LRSAM1: variants seen among roughly 807,000 people sequenced by gnomAD.
LRSAM1 encodes the protein E3 ubiquitin-protein ligase LRSAM1.
In LRSAM1, 96 loss-of-function variants were observed where a neutral mutation model predicts 118.1. That is an observed-to-expected ratio of 0.81 (90% CI 0.69 to 0.96). LRSAM1 has a LOEUF of 0.96. Ranked by LOEUF, LRSAM1 falls within the 40% of genes least tolerant of loss-of-function variation. The pLI is 0.00. For missense variants in LRSAM1, 804 were observed against 915.5 expected, an observed-to-expected ratio of 0.88 and a Z score of 1.57; for synonymous variants, 322 against 364.2, an observed-to-expected ratio of 0.88 and a Z score of 1.32.
chr9:127,469,620 GA>G (rs11462415), intron 10 of LRSAM1, among the ~76,000 whole-genome samples: 8 of 147,476 alleles, frequency 5.4e-5, no homozygotes, highest in Admixed American at 6.7e-5. Context: ...CTTTTCAATG[GA>G]AAAAAAAAAA....
At chr9:127,496,790 A>G (rs949107919) in intron 23 of LRSAM1, among the ~76,000 whole-genome samples, 1 of 152,140 alleles carries the variant, frequency 6.6e-6, no homozygotes, top group Admixed American at 6.5e-5. Flanking sequence ...CCAGGGTCCA[A>G]GAGGACTGGA....
chr9:127,497,344 C>T lies in LRSAM1; in HGVS notation c.1912+10C>T, dbSNP rs1473393318. 1.2e-6 allele frequency: 2 copies of T among 1,609,844 alleles called. No individual in the cohort carries two copies. The highest frequency in any genetic ancestry group is 2.2e-5 in the East Asian group (1 of 44,892). ...GCCAGGATCCAGCCAGGTACAAGCACAGCTCCAGCCTCTTCCAGGCAGGGC... is the reference window on the plus strand; with the variant it reads ...GCCAGGATCCAGCCAGGTACAAGCATAGCTCCAGCCTCTTCCAGGCAGGGC... On this transcript the variant is annotated intron_variant, in intron 24 of 25. Coordinates refer to ENST00000300417, the MANE Select transcript of LRSAM1 (RefSeq NM_001005373.4).
Position 127,497,318 on chromosome 9 carries a change from A to C in LRSAM1, c.1896A>C (p.Ala632=), listed in dbSNP as rs1199416966. Residue 632 remains alanine, a synonymous_variant, in exon 24 of 26, where the codon GCA becomes GCC. Coordinates refer to ENST00000300417, the MANE Select transcript of LRSAM1 (RefSeq NM_001005373.4). ...ILRRVQELLD[A]ARIQPELKPP... Reference sequence around the variant, plus strand: ...GGAGAGTCCAGGAACTGCTGGATGCAGCCAGGATCCAGCCAGGTACAAGCA... The same window carrying C: ...GGAGAGTCCAGGAACTGCTGGATGCCGCCAGGATCCAGCCAGGTACAAGCA... 1.9e-6 allele frequency: 3 copies of C among 1,612,348 alleles called. No homozygotes were observed. Among genetic ancestry groups the C allele is most frequent in the Non-Finnish European group, 1.7e-6 (2 of 1,179,874 alleles).
chr9:127,455,198 G>A (rs1042698351), intron 4 of LRSAM1, 144 bp downstream of exon 4: 6 of 906,680 alleles, frequency 6.6e-6, no homozygotes, highest in South Asian at 4.0e-5. Flanking sequence ...TTTTGTTCTC[G>A]TCCAAAATAA....
intron 14 of LRSAM1, 71 bp downstream of exon 14, chr9:127,480,049 T>C: frequency 1.9e-6 from 3 of 1,602,308 alleles, no homozygotes; most frequent in Non-Finnish European, 2.6e-6. Context: ...CCGGGAGGAG[T>C]GTGTTTCTCC....
chr9:127,473,215 T>C (rs1588114099), intron 10 of LRSAM1, among the ~76,000 whole-genome samples: 1 of 152,322 alleles, frequency 6.6e-6, no homozygotes, highest in Non-Finnish European at 1.5e-5. Flanking sequence ...TTTGAGTACA[T>C]CAAAACTTAC....
Position 127,463,021 on chromosome 9 carries a change from C to A in LRSAM1, c.528+648C>A, listed in dbSNP as rs1834806489. On this transcript the variant is annotated intron_variant, in intron 9 of 25. Coordinates refer to ENST00000300417, the MANE Select transcript of LRSAM1 (RefSeq NM_001005373.4). The stretch of plus-strand genomic sequence containing the variant: ...GACCAGCCTGGCCAACATGGTGAAA[C>A]CCTGTCTCTACTAAAAATACAAGAA... Among the ~76,000 whole-genome samples the A allele has an allele frequency of 1.3e-5, 2 of 151,894 alleles. 1 individual carries two copies. The highest frequency in any genetic ancestry group is 4.2e-4 in the South Asian group (2 of 4,800).
At position 127,495,385 on chromosome 9, in the gene LRSAM1, T is replaced by G; in HGVS notation, c.1665T>G (p.Leu555=). 3 of 1,614,026 alleles carry G rather than the reference T, an allele frequency of 1.9e-6. No homozygotes were observed. Among genetic ancestry groups the G allele is most frequent in the Non-Finnish European group, 1.7e-6 (2 of 1,180,032 alleles). ...ACTGGCTGATTCAGTATCAACGGCTTTTGAACCAGAAGCCCTTGTCCTTGA... is the reference window on the plus strand; with the variant it reads ...ACTGGCTGATTCAGTATCAACGGCTGTTGAACCAGAAGCCCTTGTCCTTGA... ...ENYWLIQYQR[L]LNQKPLSLKL... The change falls in exon 22 of 26, where the codon CTT becomes CTG. Residue 555 remains leucine (L), a synonymous_variant. Coordinates refer to ENST00000300417, the MANE Select transcript of LRSAM1 (RefSeq NM_001005373.4).
At chr9:127,467,600 A>G in intron 9 of LRSAM1, 140 bp from the exon 10 acceptor site, 1 of 826,484 alleles carries the variant, frequency 1.2e-6, no homozygotes, top group Non-Finnish European at 2.0e-6. Context: ...TGTAAGTAAC[A>G]AGACAGTTCA....
chr9:127,454,243 C>T (rs1399016401), intron 2 of LRSAM1, among the ~76,000 whole-genome samples: 4 of 151,922 alleles, frequency 2.6e-5, no homozygotes, highest in Admixed American at 6.6e-5. Flanking sequence ...CAGCCTCTGC[C>T]CCCGTGGAAC....
intron 11 of LRSAM1, 93 bp from the exon 12 acceptor site, chr9:127,478,841 A>C: frequency 1.8e-5 from 23 of 1,293,160 alleles, no homozygotes; most frequent in Non-Finnish European, 2.5e-5. Context: ...CAGAGTTTGT[A>C]TAACATCAGG....
At chr9:127,460,122 C>CCT (rs1376573586) in intron 7 of LRSAM1, among the ~76,000 whole-genome samples, 7 of 152,096 alleles carry the variant, frequency 4.6e-5, no homozygotes, top group Non-Finnish European at 1.0e-4. Flanking sequence ...GCCTCAGCCT[C>CCT]CTAAGTAGCT....
intron 15 of LRSAM1, 147 bp from the exon 16 acceptor site, chr9:127,482,803 C>A: frequency 1.4e-6 from 1 of 726,290 alleles, no homozygotes; most frequent in Non-Finnish European, 2.4e-6. Context: ...CCAAGGGTTG[C>A]TTGTGATGCG....
At chr9:127,454,933 C>T (rs1158985362) in intron 3 of LRSAM1, 65 bp from the exon 4 acceptor site, 19 of 1,469,024 alleles carry the variant, frequency 1.3e-5, no homozygotes, top group Non-Finnish European at 1.7e-5. Context: ...TGTTCTTTGC[C>T]TGGCTTGTCC....
intron 23 of LRSAM1, among the ~76,000 whole-genome samples, chr9:127,496,419 G>A (rs1350766977): frequency 6.6e-6 from 1 of 152,184 alleles, no homozygotes; most frequent in Non-Finnish European, 1.5e-5. Flanking sequence ...GTCACAAACT[G>A]TCGTGGCCAC....
At chr9:127,472,313 ATGTG>A (rs112788447) in intron 10 of LRSAM1, among the ~76,000 whole-genome samples, 40 of 148,660 alleles carry the variant, frequency 2.7e-4, no homozygotes, top group African/African-American at 2.5e-4. Context: ...ATATATATAT[ATGTG>A]TGTGTAAAAT....
intron 11 of LRSAM1, 83 bp downstream of exon 11, chr9:127,474,014 G>C (rs2132048608): frequency 6.3e-7 from 1 of 1,594,512 alleles, no homozygotes; most frequent in Non-Finnish European, 8.6e-7. Flanking sequence ...GGGAATGGAA[G>C]GGGGCGGTGG....
intron 6 of LRSAM1, among the ~76,000 whole-genome samples, chr9:127,458,093 A>C (rs1016882588): frequency 6.6e-6 from 1 of 152,068 alleles, no homozygotes; most frequent in African/African-American, 2.4e-5. Context: ...TTTTTAAAAA[A>C]TTAGCAGTCA....
Position 127,503,099 on chromosome 9 carries a change from C to T in LRSAM1, c.*200C>T. 1.5e-6 allele frequency: 1 copy of T among 682,238 alleles called. No homozygotes were observed. The highest frequency in any genetic ancestry group is 1.8e-5 in the South Asian group (1 of 55,392). 42.3% of individuals were successfully genotyped at this position (682,238 alleles called of 1,614,324 possible). ...AGGTGCTCCTCATCCATGACACCACCAGTCTGAATGGTCCTGGGGGCTGGG... is the reference window on the plus strand; with the variant it reads ...AGGTGCTCCTCATCCATGACACCACTAGTCTGAATGGTCCTGGGGGCTGGG... On this transcript the variant is annotated 3_prime_UTR_variant, in exon 26 of 26. Coordinates refer to ENST00000300417, the MANE Select transcript of LRSAM1 (RefSeq NM_001005373.4).
Sources: allele counts gnomAD v4.1 joint callset (sites outside exome capture counted in the v4.1 genomes callset), GRCh38; gene constraint gnomAD v4.1.1; transcripts MANE v1.5; gene names NCBI Gene and HGNC (gene_info 2026-07-23, HGNC 2026-07-21).